The following GNG12 variants were observed in gnomAD, a reference collection of about 807,000 sequenced individuals.
The protein encoded by GNG12 is G protein subunit gamma 12.
For missense variants in GNG12, 69 were observed against 83.8 expected, an observed-to-expected ratio of 0.82 and a Z score of 0.69; for synonymous variants, 28 against 29.7, an observed-to-expected ratio of 0.94 and a Z score of 0.19.
rs182574609 is a variant in GNG12, at chr1:67,713,203, T to C, written c.-26-5491A>G. On this transcript the variant is annotated intron_variant, in intron 2 of 3. Coordinates refer to ENST00000370982, the MANE Select transcript of GNG12 (RefSeq NM_018841.6). The stretch of plus-strand genomic sequence containing the variant: ...CATCTGCAGATCTTGAGCCACCAAG[T>C]ATTCTATCCCACCCAGAAGGGCCAA... Among the ~76,000 whole-genome samples the C allele has an allele frequency of 8.7e-4, 133 of 152,346 alleles. 1 individual carries two copies. Among genetic ancestry groups the C allele is most frequent in the African/African-American group, 3.2e-3 (132 of 41,584 alleles).
chr1:67,826,108 T>C (rs1402435836), intron 1 of GNG12, among the ~76,000 whole-genome samples: 3 of 152,174 alleles, frequency 2.0e-5, no homozygotes, highest in Non-Finnish European at 4.4e-5. Context: ...CAATAAAGCC[T>C]GACATGATAA....
At chr1:67,790,888 A>G (rs975706148) in intron 1 of GNG12, among the ~76,000 whole-genome samples, 3 of 152,202 alleles carry the variant, frequency 2.0e-5, no homozygotes, top group Middle Eastern at 3.2e-3. Flanking sequence ...TGCTGGGATT[A>G]CAGGTGTGAG....
chr1:67,708,394 A>G (rs1646262298), intron 2 of GNG12, among the ~76,000 whole-genome samples: 1 of 152,226 alleles, frequency 6.6e-6, no homozygotes, highest in African/African-American at 2.4e-5. Flanking sequence ...GTCTGAAATA[A>G]TTAATAAAAC....
chr1:67,789,560 T>C lies in GNG12; in HGVS notation c.-76-12053A>G, dbSNP rs191561707. ...TTTGCTATATGTTGACAATAAACATTTTGCCCATGAGGCTTAGTTCTCTAA... is the reference window on the plus strand; with the variant it reads ...TTTGCTATATGTTGACAATAAACATCTTGCCCATGAGGCTTAGTTCTCTAA... On this transcript the variant is annotated intron_variant, in intron 1 of 3. Coordinates refer to ENST00000370982, the MANE Select transcript of GNG12 (RefSeq NM_018841.6). 5.9e-4 allele frequency among the ~76,000 whole-genome samples: 90 copies of C among 152,270 alleles called. 1 individual carries two copies. Among genetic ancestry groups the C allele is most frequent in the African/African-American group, 2.0e-3 (85 of 41,560 alleles).
intron 1 of GNG12, among the ~76,000 whole-genome samples, chr1:67,820,402 C>T (rs1055974815): frequency 2.7e-5 from 4 of 150,796 alleles, no homozygotes; most frequent in African/African-American, 4.9e-5. Context: ...AAAAGATCAA[C>T]TTGGAGCTTA....
intron 1 of GNG12, among the ~76,000 whole-genome samples, chr1:67,792,479 C>G (rs1461168020): frequency 6.6e-6 from 1 of 152,062 alleles, no homozygotes; most frequent in Non-Finnish European, 1.5e-5. Context: ...TGGTATCTGC[C>G]CATTGGGGTG....
At chr1:67,821,464 G>A (rs1646984268) in intron 1 of GNG12, among the ~76,000 whole-genome samples, 1 of 152,212 alleles carries the variant, frequency 6.6e-6, no homozygotes, top group East Asian at 1.9e-4. Context: ...TCCCAGCTAA[G>A]AGGCAGCAAA....
intron 1 of GNG12, among the ~76,000 whole-genome samples, chr1:67,818,382 T>C (rs1467445948): frequency 6.6e-6 from 1 of 151,076 alleles, no homozygotes; most frequent in Non-Finnish European, 1.5e-5. Flanking sequence ...ACAGAAGTGC[T>C]TCTCAAATTA....
intron 2 of GNG12, among the ~76,000 whole-genome samples, chr1:67,720,385 T>A (rs1646350156): frequency 6.6e-6 from 1 of 152,164 alleles, no homozygotes; most frequent in Non-Finnish European, 1.5e-5. Context: ...CAGACATGTG[T>A]TTACAGTCAA....
chr1:67,794,519 C>T (rs1029592149), intron 1 of GNG12, among the ~76,000 whole-genome samples: 10 of 152,112 alleles, frequency 6.6e-5, no homozygotes, highest in East Asian at 5.8e-4. Context: ...ACAATAAAGA[C>T]GGTGGATCAC....
chr1:67,773,643 C>T (rs1274220892), intron 2 of GNG12, among the ~76,000 whole-genome samples: 2 of 152,166 alleles, frequency 1.3e-5, no homozygotes, highest in Admixed American at 6.6e-5. Context: ...AATGTAAATT[C>T]TGTGTATCAA....
intron 2 of GNG12, among the ~76,000 whole-genome samples, chr1:67,729,068 T>A (rs1203350883): frequency 1.3e-5 from 2 of 152,178 alleles, no homozygotes; most frequent in African/African-American, 4.8e-5. Context: ...TCATTTCAGA[T>A]CCTGGCCCTC....
At chr1:67,783,087 A>T (rs1185623287) in intron 1 of GNG12, among the ~76,000 whole-genome samples, 1 of 152,118 alleles carries the variant, frequency 6.6e-6, no homozygotes, top group African/African-American at 2.4e-5. Context: ...CTGTAAGGAT[A>T]AAAAAAGAAA....
intron 1 of GNG12, among the ~76,000 whole-genome samples, chr1:67,809,515 T>C (rs1646911268): frequency 6.6e-6 from 1 of 152,146 alleles, no homozygotes; most frequent in African/African-American, 2.4e-5. Context: ...GGAGAAAATA[T>C]TTGCAGAAGA....
chr1:67,749,170 T>G (rs1428360856), intron 2 of GNG12, among the ~76,000 whole-genome samples: 1 of 152,184 alleles, frequency 6.6e-6, no homozygotes, highest in Non-Finnish European at 1.5e-5. Context: ...AAGAATAGTC[T>G]GCTAACTTAG....
chr1:67,789,060 A>G (rs921573022), intron 1 of GNG12, among the ~76,000 whole-genome samples: 1 of 152,238 alleles, frequency 6.6e-6, no homozygotes, highest in Non-Finnish European at 1.5e-5. Flanking sequence ...CTTGTCCAAT[A>G]AAAGGAAGGA....
chr1:67,736,376 C>T (rs990425684), intron 2 of GNG12, among the ~76,000 whole-genome samples: 3 of 152,112 alleles, frequency 2.0e-5, no homozygotes, highest in Non-Finnish European at 2.9e-5. Context: ...CTAACGTGGA[C>T]GCCAAAGGCA....
chr1:67,810,664 C>T (rs188091645), intron 1 of GNG12, among the ~76,000 whole-genome samples: 92 of 152,310 alleles, frequency 6.0e-4, no homozygotes, highest in Non-Finnish European at 4.4e-5. Context: ...CAAACCAATA[C>T]AATAAATTCT....
At chr1:67,768,618 A>G (rs764756360) in intron 2 of GNG12, among the ~76,000 whole-genome samples, 3 of 152,228 alleles carry the variant, frequency 2.0e-5, no homozygotes, top group Non-Finnish European at 2.9e-5. Context: ...CACTATGTGC[A>G]GTGTTTCCTT....
Sources: allele counts gnomAD v4.1 joint callset (sites outside exome capture counted in the v4.1 genomes callset), GRCh38; gene constraint gnomAD v4.1.1; transcripts MANE v1.5; gene names NCBI Gene and HGNC (gene_info 2026-07-23, HGNC 2026-07-21).